Variants in UNC13C observed in about 807,000 individuals in gnomAD.
UNC13C encodes the protein unc-13 homolog C, also known as protein unc-13 homolog C.
A neutral mutation model predicts 245.4 loss-of-function variants in UNC13C; 174 were observed. The observed-to-expected ratio is 0.71, with a 90% confidence interval of 0.63 to 0.80. The LOEUF (loss-of-function observed/expected upper bound fraction) is 0.80, where lower values mean the gene tolerates loss of function less well. UNC13C is among the 30% of genes least tolerant of loss of function. The probability of loss-of-function intolerance (pLI) is 0.00; values close to 1 mark genes in which losing one functional copy is unlikely to be tolerated. For synonymous variants in UNC13C, 992 were observed against 895.1 expected (o/e 1.11, Z -1.93); for missense variants, 2,829 against 2,602.9 (o/e 1.09, Z -1.89).
chr15:54,217,423 T>C (rs2035075166), intron 4 of UNC13C, among the ~76,000 whole-genome samples: 1 of 151,738 alleles, frequency 6.6e-6, no homozygotes, highest in African/African-American at 2.4e-5. Flanking sequence ...CAATAGGGGG[T>C]ATGATCAGAA....
intron 2 of UNC13C, among the ~76,000 whole-genome samples, chr15:54,104,400 T>A (rs1391134779): frequency 6.6e-6 from 1 of 152,272 alleles, no homozygotes; most frequent in African/African-American, 2.4e-5. Context: ...ATTCTTAGAT[T>A]TTTTTCCCCC....
chr15:54,093,435 A>T (rs1899677403), intron 2 of UNC13C, among the ~76,000 whole-genome samples: 1 of 152,228 alleles, frequency 6.6e-6, no homozygotes, highest in African/African-American at 2.4e-5. Flanking sequence ...CTTTTATGTA[A>T]ATGTATAATT....
At chr15:54,245,359 C>A (rs1260107430) in intron 7 of UNC13C, among the ~76,000 whole-genome samples, 1 of 152,042 alleles carries the variant, frequency 6.6e-6, no homozygotes, top group African/African-American at 2.4e-5. Flanking sequence ...TATTGTTCTG[C>A]CCTCTTTATT....
chr15:54,420,240 TG>T (rs143488814), intron 19 of UNC13C, among the ~76,000 whole-genome samples: 1,682 of 152,134 alleles, frequency 0.011, 36 homozygotes, highest in African/African-American at 0.038. Context: ...ACTGATGGGC[TG>T]GGGGATTGCT....
chr15:54,251,901 T>C (rs2036161786), intron 8 of UNC13C, among the ~76,000 whole-genome samples: 1 of 152,208 alleles, frequency 6.6e-6, no homozygotes, highest in African/African-American at 2.4e-5. Context: ...CCATACAAGA[T>C]TAGATCAGAT....
At chr15:54,253,395 A>G (rs980761960) in intron 8 of UNC13C, among the ~76,000 whole-genome samples, 1 of 152,196 alleles carries the variant, frequency 6.6e-6, no homozygotes, top group African/African-American at 2.4e-5. Context: ...ATGGTAGTTC[A>G]TAGATTTTAC....
intron 2 of UNC13C, among the ~76,000 whole-genome samples, chr15:54,122,449 G>C (rs1420543809): frequency 6.6e-6 from 1 of 151,928 alleles, no homozygotes; most frequent in Non-Finnish European, 1.5e-5. Flanking sequence ...ATGGTGAATT[G>C]TACCAATAGA....
intron 10 of UNC13C, among the ~76,000 whole-genome samples, chr15:54,290,128 C>T (rs893147379): frequency 2.6e-5 from 4 of 152,038 alleles, no homozygotes; most frequent in African/African-American, 9.7e-5. Flanking sequence ...CTTACCTTTG[C>T]TCTGTGAAGT....
chr15:53,841,002 G>A, the UNC13C span, among the ~76,000 whole-genome samples: 1 of 152,144 alleles, frequency 6.6e-6, no homozygotes, highest in Non-Finnish European at 1.5e-5. Flanking sequence ...TCAGCAGTGA[G>A]TGAGAAGTCC....
chr15:54,388,322 G>T (rs1239300613), intron 17 of UNC13C, among the ~76,000 whole-genome samples: 2 of 151,970 alleles, frequency 1.3e-5, no homozygotes, highest in African/African-American at 2.4e-5. Flanking sequence ...CCAACATTCT[G>T]GCTTTTAGGC....
At chr15:54,261,306 C>A (rs756464188) in intron 8 of UNC13C, among the ~76,000 whole-genome samples, 37 of 152,084 alleles carry the variant, frequency 2.4e-4, no homozygotes, top group Non-Finnish European at 4.4e-4. Context: ...GAAAAATAAC[C>A]CAAAGGGCTG....
intron 30 of UNC13C, among the ~76,000 whole-genome samples, chr15:54,615,126 G>T (rs1900345547): frequency 1.3e-5 from 2 of 151,978 alleles, no homozygotes; most frequent in African/African-American, 4.8e-5. Flanking sequence ...TACATGAGAT[G>T]TTTTGATACA....
chr15:54,628,147 A>T lies in UNC13C; in HGVS notation c.*1034A>T, dbSNP rs1291894191. 6.6e-6 allele frequency: 1 copy of T among 152,040 alleles called. No individual in the cohort carries two copies. The highest frequency in any genetic ancestry group is 1.5e-5 in the Non-Finnish European group (1 of 67,974). 9.4% of individuals were successfully genotyped at this position (152,040 alleles called of 1,614,324 possible). ...ATTTGTATTTATAAGCCCCAAATGC[A>T]TCAAATGCAGTAGGAGAACAATGTA... On this transcript the variant is annotated 3_prime_UTR_variant, in exon 33 of 33. Transcript: ENST00000260323.
intron 7 of UNC13C, among the ~76,000 whole-genome samples, chr15:54,244,549 A>G (rs1320637328): frequency 6.6e-6 from 1 of 152,154 alleles, no homozygotes; most frequent in East Asian, 1.9e-4. Flanking sequence ...TGAATCTATA[A>G]ATTACTTTGG....
chr15:54,250,110 G>A (rs1395303746), intron 7 of UNC13C, 115 bp from the exon 8 acceptor site: 9 of 913,012 alleles, frequency 9.9e-6, no homozygotes, highest in Admixed American at 2.0e-5. Flanking sequence ...AGTGATCCAG[G>A]GGCTCTCTCA....
At chr15:54,416,910 A>G (rs1238548193) in intron 19 of UNC13C, 3 of 456,144 alleles carry the variant, frequency 6.6e-6, no homozygotes, top group Non-Finnish European at 8.8e-6. Context: ...TGCATGAGGG[A>G]TTTTTTGGCC....
At chr15:53,970,789 T>A in the UNC13C span, among the ~76,000 whole-genome samples, 1 of 152,154 alleles carries the variant, frequency 6.6e-6, no homozygotes. Context: ...CATGTTGACC[T>A]ATATAATAAA....
rs185647967 is a variant in UNC13C at position 54,562,724 on chromosome 15, T to A, written c.5959-5076T>A. ...TAGACTTTCAGATATCGAAGAAAACTATCATGCCATCCTATATCATCTGAA... is the reference window on the plus strand; with the variant it reads ...TAGACTTTCAGATATCGAAGAAAACAATCATGCCATCCTATATCATCTGAA... On this transcript the variant is annotated intron_variant, in intron 29 of 32. Transcript: ENST00000260323. Among the ~76,000 whole-genome samples, 10 of 152,164 alleles carry A rather than the reference T, an allele frequency of 6.6e-5. No individual in the cohort carries two copies. The East Asian group carries it at 1.9e-3, about 29-fold the overall frequency.
Position 54,393,028 on chromosome 15 carries a change from T to G in UNC13C, c.4714-20T>G. The G allele has an allele frequency of 1.9e-6, 3 of 1,557,798 alleles. No homozygotes were observed. Among genetic ancestry groups the G allele is most frequent in the Non-Finnish European group, 2.6e-6 (3 of 1,156,528 alleles). On this transcript the variant is annotated intron_variant, in intron 17 of 32. Coordinates refer to ENST00000260323, the MANE Select transcript of UNC13C (RefSeq NM_001080534.3). Reference sequence around the variant, plus strand: ...CCCATTTAACCTTTTCTTTTGCATGTTGCGTGAACTTGTGAGCAGAGTAAG... The same window carrying G: ...CCCATTTAACCTTTTCTTTTGCATGGTGCGTGAACTTGTGAGCAGAGTAAG...
Sources: gnomAD v4.1 joint callset for allele counts (sites outside exome capture counted in the v4.1 genomes callset) on GRCh38, gnomAD v4.1.1 for gene constraint, MANE v1.5 for transcripts, NCBI Gene and HGNC (gene_info 2026-07-23, HGNC 2026-07-21) for gene names.